The following DCC variants were observed in gnomAD, a reference collection of about 807,000 sequenced individuals.
The protein encoded by DCC is DCC netrin 1 receptor, also known as netrin receptor DCC.
Under a neutral mutation model 172.5 loss-of-function variants are expected in DCC, and 58 were observed. That is an observed-to-expected ratio of 0.34 (90% CI 0.27 to 0.42). The LOEUF is 0.42. DCC is among the 10% of genes least tolerant of loss of function. DCC has a pLI of 1.00. For missense variants in DCC, 1,740 were observed against 1,791.0 expected, an observed-to-expected ratio of 0.97 and a Z score of 0.51; for synonymous variants, 709 against 644.5, an observed-to-expected ratio of 1.10 and a Z score of -1.52.
intron 15 of DCC, among the ~76,000 whole-genome samples, chr18:53,346,068 A>G (rs2057720467): frequency 1.3e-5 from 2 of 152,100 alleles, no homozygotes; most frequent in Non-Finnish European, 1.5e-5. Flanking sequence ...CTCATGGCTC[A>G]CTGCAGCCTT....
intron 1 of DCC, among the ~76,000 whole-genome samples, chr18:52,471,625 G>A (rs534206329): frequency 4.5e-4 from 69 of 152,214 alleles, no homozygotes; most frequent in African/African-American, 1.5e-3. Context: ...CTGAAATCCC[G>A]GCATGAGGGA....
chr18:52,976,200 T>C (rs2041114696), intron 5 of DCC, among the ~76,000 whole-genome samples: 1 of 151,836 alleles, frequency 6.6e-6, no homozygotes, highest in Non-Finnish European at 1.5e-5. Flanking sequence ...TATAGGGTCA[T>C]GTTTTTTTTT....
At chr18:52,528,216 C>G (rs1269741478) in intron 1 of DCC, among the ~76,000 whole-genome samples, 1 of 152,142 alleles carries the variant, frequency 6.6e-6, no homozygotes, top group East Asian at 1.9e-4. Flanking sequence ...TTCCCAGTAT[C>G]TCATTAGCTT....
chr18:53,035,630 A>T (rs779480701), intron 5 of DCC, among the ~76,000 whole-genome samples: 1 of 152,156 alleles, frequency 6.6e-6, no homozygotes, highest in Non-Finnish European at 1.5e-5. Flanking sequence ...CTTAAAGAGG[A>T]ACATTATAGC....
At chr18:53,146,376 C>T (rs1297517011) in intron 7 of DCC, among the ~76,000 whole-genome samples, 1 of 152,210 alleles carries the variant, frequency 6.6e-6, no homozygotes, top group Admixed American at 6.5e-5. Context: ...GGGATGGCAC[C>T]TTGTGGCTGC....
At chr18:53,353,045 T>C (rs1292523177) in intron 15 of DCC, among the ~76,000 whole-genome samples, 1 of 149,470 alleles carries the variant, frequency 6.7e-6, no homozygotes, top group Non-Finnish European at 1.5e-5. Flanking sequence ...GAAAGAGTTT[T>C]ATTAGAGTGG....
At chr18:52,939,005 C>T (rs2040422466) in intron 5 of DCC, among the ~76,000 whole-genome samples, 2 of 152,144 alleles carry the variant, frequency 1.3e-5, no homozygotes, top group African/African-American at 4.8e-5. Context: ...ATGGGATGCA[C>T]CTTCGTAGAA....
intron 1 of DCC, among the ~76,000 whole-genome samples, chr18:52,392,539 A>G (rs1023127302): frequency 2.0e-5 from 3 of 152,148 alleles, no homozygotes; most frequent in East Asian, 3.9e-4. Flanking sequence ...AGTTGATGGA[A>G]GAAGAAAAAC....
In DCC at chr18:52,706,212, A is replaced by G. The variant is rs185920854; in HGVS notation, c.92-45842A>G. 1.2e-3 allele frequency among the ~76,000 whole-genome samples: 189 copies of G among 152,334 alleles called. 1 individual carries two copies. Among genetic ancestry groups the G allele is most frequent in the South Asian group, 5.0e-3 (24 of 4,826 alleles). On this transcript the variant is annotated intron_variant, in intron 1 of 28. Coordinates refer to ENST00000442544, the MANE Select transcript of DCC (RefSeq NM_005215.4). ...TTCTATTAAAAAAAAGAACTCATTG[A>G]ACCTTTGAACTCTAGAAACAAAGAT... is the stretch of plus-strand genomic sequence containing the variant.
chr18:53,431,480 G>A (rs568634337), intron 21 of DCC, among the ~76,000 whole-genome samples: 2 of 141,772 alleles, frequency 1.4e-5, no homozygotes, highest in Non-Finnish European at 3.1e-5. Flanking sequence ...TTTTGTTGTT[G>A]TTGTTGTTGT....
chr18:53,368,354 A>T (rs937544680), intron 15 of DCC, among the ~76,000 whole-genome samples: 23 of 152,070 alleles, frequency 1.5e-4, no homozygotes, highest in African/African-American at 3.9e-4. Flanking sequence ...CAGCTATATA[A>T]CTTACAAACC....
intron 1 of DCC, among the ~76,000 whole-genome samples, chr18:52,365,410 G>T (rs1181780435): frequency 6.6e-6 from 1 of 152,126 alleles, no homozygotes; most frequent in Non-Finnish European, 1.5e-5. Context: ...CTTATTAAAG[G>T]AATTAAAATT....
intron 7 of DCC, among the ~76,000 whole-genome samples, chr18:53,066,388 T>G (rs1261681193): frequency 5.0e-5 from 6 of 119,818 alleles, no homozygotes; most frequent in Non-Finnish European, 8.0e-5. Context: ...TATATATATA[T>G]ATATATATAT....
chr18:52,716,044 CA>C (rs1464884315), intron 1 of DCC, among the ~76,000 whole-genome samples: 1 of 151,952 alleles, frequency 6.6e-6, no homozygotes, highest in African/African-American at 2.4e-5. Flanking sequence ...TCTTGCTCTT[CA>C]ACTCTATGAT....
At chr18:53,435,836 C>A (rs1454528474) in intron 22 of DCC, among the ~76,000 whole-genome samples, 1 of 152,136 alleles carries the variant, frequency 6.6e-6, no homozygotes, top group African/African-American at 2.4e-5. Flanking sequence ...GGGCTGCATT[C>A]CAGGATCTTA....
intron 21 of DCC, chr18:53,416,594 A>G (rs1414695498): frequency 4.8e-6 from 1 of 206,364 alleles, no homozygotes; most frequent in Admixed American, 5.4e-5. Flanking sequence ...GCTTCTTTTA[A>G]TATATAAAAT....
intron 2 of DCC, among the ~76,000 whole-genome samples, chr18:52,795,407 G>T (rs966599699): frequency 3.3e-5 from 5 of 151,910 alleles, no homozygotes; most frequent in African/African-American, 1.2e-4. Context: ...TGTTTGCATA[G>T]AGTTATTAAT....
chr18:52,669,191 G>T (rs112875129), intron 1 of DCC, among the ~76,000 whole-genome samples: 7,586 of 152,206 alleles, frequency 0.05, 247 homozygotes, highest in South Asian at 0.14. Context: ...GGTGGGGGCC[G>T]CAAGATTAGA....
Position 53,207,642 on chromosome 18 carries a change from C to T in DCC, c.1723-37C>T, listed in dbSNP as rs2055673947. ...TGAGTGCCATTTCTACTTTAATGTG[C>T]TTCCTTGATAACAGTTTTGGTGTTT... On this transcript the variant is annotated intron_variant, in intron 10 of 28. Transcript: ENST00000442544. 4.4e-6 allele frequency: 7 copies of T among 1,599,610 alleles called. No homozygotes were observed. In the East Asian group the frequency reaches 1.1e-4, roughly 26 times the overall value.
Sources: allele counts gnomAD v4.1 joint callset (sites outside exome capture counted in the v4.1 genomes callset), GRCh38; gene constraint gnomAD v4.1.1; transcripts MANE v1.5; gene names NCBI Gene and HGNC (gene_info 2026-07-23, HGNC 2026-07-21).